Variants in AKAP13 observed in about 807,000 individuals in gnomAD.
AKAP13 encodes the protein A-kinase anchor protein 13.
AKAP13 carries 80 observed loss-of-function variants against 264.5 expected under a neutral mutation model. The observed-to-expected ratio is 0.30, with a 90% confidence interval of 0.25 to 0.36. The LOEUF is 0.36. Ranked by LOEUF, AKAP13 falls within the 10% of genes least tolerant of loss-of-function variation. AKAP13 has a pLI of 1.00. For synonymous variants in AKAP13, 1,380 were observed against 1,250.2 expected, an observed-to-expected ratio of 1.10 and a Z score of -2.19; for missense variants, 3,712 against 3,435.2, an observed-to-expected ratio of 1.08 and a Z score of -2.01.
At chr15:85,534,923 C>T (rs1425318825) in intron 4 of AKAP13, 1 of 152,090 alleles carries the variant, frequency 6.6e-6, no homozygotes, top group African/African-American at 2.4e-5. Flanking sequence ...GAGTTCAAGT[C>T]CAATTGAACG....
chr15:85,546,321 A>AAC (rs60271542), intron 5 of AKAP13, among the ~76,000 whole-genome samples: 22,348 of 145,036 alleles, frequency 0.15, 2,045 homozygotes, highest in Non-Finnish European at 0.21. Context: ...GTTGTTACCA[A>AAC]ACACACACAC....
intron 14 of AKAP13, chr15:85,677,220 G>T: frequency 3.6e-6 from 3 of 825,556 alleles, no homozygotes; most frequent in Non-Finnish European, 4.4e-6. Flanking sequence ...GCCATCCTTT[G>T]TAAGTCATTT....
chr15:85,704,853 T>G lies in AKAP13; in HGVS notation c.5465-3166T>G, dbSNP rs1381488095. On this transcript the variant is annotated intron_variant, in intron 17 of 36. Coordinates refer to ENST00000394518, the MANE Select transcript of AKAP13 (RefSeq NM_007200.5). ...TCCCAAACAGAGAGTAAGATTTTAG[T>G]CTCATGACTTTGGCTGATGTCAGTG... is the stretch of plus-strand genomic sequence containing the variant. Among the ~76,000 whole-genome samples, 5 of 152,210 alleles carry G rather than the reference T, an allele frequency of 3.3e-5. No individual in the cohort carries two copies. In the East Asian group the frequency reaches 9.6e-4, roughly 29 times the overall value.
At chr15:85,714,440 T>C (rs920543553) in intron 19 of AKAP13, among the ~76,000 whole-genome samples, 7 of 152,206 alleles carry the variant, frequency 4.6e-5, no homozygotes, top group Non-Finnish European at 1.0e-4. Flanking sequence ...TAAACAAGTG[T>C]TAAATTTTCC....
chr15:85,496,953 GAA>G, intron 2 of AKAP13, among the ~76,000 whole-genome samples: 1 of 146,218 alleles, frequency 6.8e-6, no homozygotes, highest in Non-Finnish European at 1.5e-5. Flanking sequence ...CTTTGAATTT[GAA>G]GTTAATGGGC....
At chr15:85,722,987 A>G (rs1400828558) in intron 25 of AKAP13, 85 bp from the exon 26 acceptor site, 2 of 1,522,048 alleles carry the variant, frequency 1.3e-6, no homozygotes, top group African/African-American at 1.4e-5. Context: ...GGAAAAGATG[A>G]TATGGAGTGA....
chr15:85,695,219 A>T (rs190415186), intron 17 of AKAP13, among the ~76,000 whole-genome samples: 4 of 152,228 alleles, frequency 2.6e-5, no homozygotes, highest in African/African-American at 9.6e-5. Context: ...AGCCTGGCCA[A>T]CATGGCGAAA....
At chr15:85,681,885 A>G (rs1050647228) in intron 14 of AKAP13, among the ~76,000 whole-genome samples, 2 of 152,180 alleles carry the variant, frequency 1.3e-5, no homozygotes, top group Non-Finnish European at 2.9e-5. Flanking sequence ...GTGTTTAAGC[A>G]TTAGAAAAAG....
At chr15:85,682,023 G>T in intron 14 of AKAP13, 135 bp from the exon 15 acceptor site, 1 of 746,876 alleles carries the variant, frequency 1.3e-6, no homozygotes, top group Non-Finnish European at 2.2e-6. Flanking sequence ...CAAACCTTTA[G>T]AAGGAGGAGG....
chr15:85,649,222 T>G (rs2082694565), intron 10 of AKAP13, among the ~76,000 whole-genome samples: 1 of 152,198 alleles, frequency 6.6e-6, no homozygotes, highest in African/African-American at 2.4e-5. Context: ...CACTGATAGG[T>G]AAAGAAATGT....
chr15:85,548,612 A>G (rs1567118557), intron 5 of AKAP13, among the ~76,000 whole-genome samples: 3 of 152,212 alleles, frequency 2.0e-5, no homozygotes, highest in Non-Finnish European at 1.5e-5. Flanking sequence ...AGATTGGTGC[A>G]AATACTTTGT....
chr15:85,729,965 CA>C (rs368432438), intron 29 of AKAP13, among the ~76,000 whole-genome samples: 7 of 145,076 alleles, frequency 4.8e-5, no homozygotes, highest in South Asian at 2.2e-4. Flanking sequence ...AAAACAAAAA[CA>C]AAAAAAAAAG....
chr15:85,721,907 T>A (rs772127257), intron 23 of AKAP13, 84 bp from the exon 24 acceptor site: 507 of 1,569,402 alleles, frequency 3.2e-4, no homozygotes, highest in Non-Finnish European at 4.2e-4. Flanking sequence ...TCTTGACTTT[T>A]ACAACTAGAC....
intron 15 of AKAP13, among the ~76,000 whole-genome samples, 189 bp downstream of exon 15, chr15:85,682,401 T>G (rs2151604785): frequency 6.6e-6 from 1 of 152,342 alleles, no homozygotes; most frequent in Middle Eastern, 3.4e-3. Context: ...TCTTCAGTAG[T>G]TTTATTAATT....
At chr15:85,487,092 C>T (rs1194080945) in intron 2 of AKAP13, among the ~76,000 whole-genome samples, 2 of 152,150 alleles carry the variant, frequency 1.3e-5, no homozygotes, top group African/African-American at 4.8e-5. Context: ...TTTTTGTGTA[C>T]TGATCCCTGA....
chr15:85,619,342 TAGGGAGGGAAGG>T lies in AKAP13; in HGVS notation c.4162-20022_4162-20011del, dbSNP rs2081076202. 3 of 983,586 alleles carry T rather than the reference TAGGGAGGGAAGG, an allele frequency of 3.1e-6. No homozygotes were observed. In the African/African-American group the frequency reaches 5.3e-5, roughly 17 times the overall value. 60.9% of individuals were successfully genotyped at this position (983,586 alleles called of 1,614,324 possible). A position where few individuals can be genotyped will look rare whatever the true frequency, so the allele number is the denominator to read the frequency against. ...AGGAAAAAGGGAGGAGGAGGCTGGC[TAGGGAGGGAAGG>T]AGGGAGGGAGGGAGTACAGCAGGAG... On this transcript the variant is annotated intron_variant, in intron 8 of 36. Coordinates refer to ENST00000394518, the MANE Select transcript of AKAP13 (RefSeq NM_007200.5).
chr15:85,541,660 G>A (rs2077584659), intron 4 of AKAP13, among the ~76,000 whole-genome samples: 1 of 152,204 alleles, frequency 6.6e-6, no homozygotes, highest in African/African-American at 2.4e-5. Context: ...CTGTGGGCAA[G>A]CTATTAATTC....
rs71141472 is a variant in AKAP13, at chr15:85,630,234, AACACAC to A, written c.4162-9112_4162-9107del. Among the ~76,000 whole-genome samples the A allele has an allele frequency of 1.0e-3, 119 of 119,164 alleles. 2 individuals carry two copies. The highest frequency in any genetic ancestry group is 2.7e-3 in the African/African-American group (86 of 31,338). 78.2% of individuals were successfully genotyped at this position (119,164 alleles called of 152,430 possible). A position where few individuals can be genotyped will look rare whatever the true frequency, so the allele number is the denominator to read the frequency against. ...ATCATGAACTAAGATGGAAAATTGTAACACACACACACACACACACACACACACACA... is the reference window on the plus strand; with the variant it reads ...ATCATGAACTAAGATGGAAAATTGTAACACACACACACACACACACACACA... On this transcript the variant is annotated intron_variant, in intron 8 of 36. Transcript: ENST00000394518.
chr15:85,625,936 G>A (rs1372652985), intron 8 of AKAP13, among the ~76,000 whole-genome samples: 1 of 152,230 alleles, frequency 6.6e-6, no homozygotes, highest in African/African-American at 2.4e-5. Flanking sequence ...GGGGGGAGAT[G>A]TTTTGTAATC....
Sources: allele counts gnomAD v4.1 joint callset (sites outside exome capture counted in the v4.1 genomes callset), GRCh38; gene constraint gnomAD v4.1.1; transcripts MANE v1.5; gene names NCBI Gene and HGNC (gene_info 2026-07-23, HGNC 2026-07-21).